The following DOCK4 variants were observed in gnomAD, a reference collection of about 807,000 sequenced individuals.
DOCK4 encodes dedicator of cytokinesis 4.
A neutral mutation model predicts 268.1 loss-of-function variants in DOCK4; 97 were observed. The ratio of observed to expected loss-of-function variants is 0.36; its 90% CI spans 0.31 to 0.43. DOCK4 has a LOEUF of 0.43. Among genes scored for constraint, DOCK4 ranks in the 20% least tolerant of loss-of-function variants. DOCK4 has a pLI of 1.00. For synonymous variants in DOCK4, 954 were observed against 887.2 expected, an observed-to-expected ratio of 1.08 and a Z score of -1.34; for missense variants, 2,145 against 2,455.7, an observed-to-expected ratio of 0.87 and a Z score of 2.67.
intron 30 of DOCK4, among the ~76,000 whole-genome samples, chr7:111,791,002 G>A (rs1034210085): frequency 2.7e-5 from 4 of 147,928 alleles, no homozygotes; most frequent in African/African-American, 1.0e-4. Context: ...AGCTTGCAGT[G>A]AGCCAAGATC....
In DOCK4 at chr7:111,728,185, A is replaced by T; in HGVS notation, c.*89T>A. ...ATTCATCGAAGGAGCTGAGTAAGTTATTAAAGTGCCTACACTAAATGTCTT... is the reference window on the plus strand; with the variant it reads ...ATTCATCGAAGGAGCTGAGTAAGTTTTTAAAGTGCCTACACTAAATGTCTT... On this transcript the variant is annotated 3_prime_UTR_variant, in exon 53 of 53. Coordinates refer to ENST00000428084, the MANE Select transcript of DOCK4 (RefSeq NM_001363540.2). 1 of 995,832 alleles carries T rather than the reference A, an allele frequency of 1.0e-6. No homozygotes were observed. Among genetic ancestry groups the T allele is most frequent in the African/African-American group, 1.7e-5 (1 of 60,230 alleles). The allele number at this position is 995,832 out of a possible 1,614,324, so 61.7% of individuals were successfully genotyped here.
intron 12 of DOCK4, among the ~76,000 whole-genome samples, chr7:111,928,592 T>C (rs575218855): frequency 3.6e-4 from 42 of 115,262 alleles, no homozygotes; most frequent in Non-Finnish European, 5.4e-4. Flanking sequence ...TTTTCTTTTT[T>C]TTTTTTTTTT....
chr7:111,907,640 A>G (rs531237431), intron 13 of DOCK4, among the ~76,000 whole-genome samples: 235 of 152,286 alleles, frequency 1.5e-3, no homozygotes, highest in African/African-American at 5.4e-3. Flanking sequence ...ATCAGGGTTC[A>G]GGTCTAAGCT....
chr7:111,872,213 A>T (rs1337758732), intron 19 of DOCK4, 56 bp downstream of exon 19: 37 of 1,406,258 alleles, frequency 2.6e-5, no homozygotes, highest in Middle Eastern at 2.5e-4. Context: ...AGCCTCATGA[A>T]AGTCAAGATT....
At chr7:111,732,795 C>G (rs1474333062) in intron 51 of DOCK4, among the ~76,000 whole-genome samples, 1 of 152,238 alleles carries the variant, frequency 6.6e-6, no homozygotes, top group African/African-American at 2.4e-5. Flanking sequence ...GTAGAAAACC[C>G]TTGGCCATGG....
intron 1 of DOCK4, among the ~76,000 whole-genome samples, chr7:112,176,548 G>A (rs12672710): frequency 5.9e-5 from 9 of 152,046 alleles, no homozygotes; most frequent in African/African-American, 1.9e-4. Flanking sequence ...AAATGTATTG[G>A]AAAAAAACTA....
At chr7:111,906,624 C>CCTAA (rs1484057447) in intron 13 of DOCK4, among the ~76,000 whole-genome samples, 5 of 152,172 alleles carry the variant, frequency 3.3e-5, no homozygotes, top group Non-Finnish European at 7.4e-5. Flanking sequence ...GAGTATGTTA[C>CCTAA]CTTGCAGATG....
chr7:112,034,183 G>A (rs951090480), intron 1 of DOCK4, among the ~76,000 whole-genome samples: 1 of 152,100 alleles, frequency 6.6e-6, no homozygotes, highest in East Asian at 1.9e-4. Flanking sequence ...CAATGAACCA[G>A]GTAACCATAG....
At chr7:111,742,847 C>G (rs1298718512) in intron 44 of DOCK4, among the ~76,000 whole-genome samples, 1 of 151,956 alleles carries the variant, frequency 6.6e-6, no homozygotes, top group East Asian at 1.9e-4. Flanking sequence ...CAAAAATTAG[C>G]CAGGTGTGGT....
chr7:112,205,648 G>C (rs1821342210), intron 1 of DOCK4, among the ~76,000 whole-genome samples: 1 of 152,152 alleles, frequency 6.6e-6, no homozygotes, highest in Non-Finnish European at 1.5e-5. Context: ...TGTTTTGGGG[G>C]TGTTCTCTCT....
intron 45 of DOCK4, 131 bp downstream of exon 45, chr7:111,741,882 G>T: frequency 7.5e-7 from 1 of 1,333,098 alleles, no homozygotes; most frequent in Non-Finnish European, 1.0e-6. Flanking sequence ...TTGTATTTGA[G>T]GGCTCCCTGG....
At chr7:112,165,560 G>GTGTGCA (rs1554467818) in intron 1 of DOCK4, among the ~76,000 whole-genome samples, 5 of 63,284 alleles carry the variant, frequency 7.9e-5, no homozygotes, top group South Asian at 1.2e-3. Flanking sequence ...GTGTGTGTGT[G>GTGTGCA]CGTGTGTGTG....
chr7:111,794,408 T>A (rs749334048), intron 30 of DOCK4, among the ~76,000 whole-genome samples: 1 of 151,996 alleles, frequency 6.6e-6, no homozygotes, highest in Non-Finnish European at 1.5e-5. Flanking sequence ...TGAAATCACA[T>A]GGGGGAAACC....
chr7:111,771,590 A>G (rs562619124), intron 36 of DOCK4, among the ~76,000 whole-genome samples: 1 of 152,246 alleles, frequency 6.6e-6, no homozygotes, highest in East Asian at 1.9e-4. Context: ...TAATAACCAG[A>G]TCCTCAGAAG....
chr7:112,189,634 G>A (rs1253789335), intron 1 of DOCK4, among the ~76,000 whole-genome samples: 1 of 152,008 alleles, frequency 6.6e-6, no homozygotes. Flanking sequence ...AAGAGCAGAG[G>A]ATACAATAAA....
intron 11 of DOCK4, among the ~76,000 whole-genome samples, chr7:111,939,480 A>T (rs1415223906): frequency 6.8e-6 from 1 of 147,350 alleles, no homozygotes; most frequent in Non-Finnish European, 1.5e-5. Context: ...ACACCACTGC[A>T]CTCCAGCCTG....
intron 12 of DOCK4, among the ~76,000 whole-genome samples, chr7:111,934,158 C>T (rs1305623528): frequency 1.3e-5 from 2 of 152,234 alleles, no homozygotes; most frequent in Admixed American, 1.3e-4. Context: ...AAGCACATGA[C>T]TGCATACTTT....
rs1222901013 is a variant in DOCK4 at position 111,808,975 on chromosome 7, A to T, written c.3108-96T>A. On this transcript the variant is annotated intron_variant, in intron 29 of 52. Coordinates refer to ENST00000428084, the MANE Select transcript of DOCK4 (RefSeq NM_001363540.2). ...ATACAATCTATCATTCTGAATTACA[A>T]GGCAAGGAGTTTTTAATTAAAGACA... is the stretch of plus-strand genomic sequence containing the variant. 2.9e-6 allele frequency: 4 copies of T among 1,384,464 alleles called. No homozygotes were observed. In the East Asian group the frequency reaches 7.3e-5, roughly 25 times the overall value. The allele number at this position is 1,384,464 out of a possible 1,614,324, so 85.8% of individuals were successfully genotyped here. A position where few individuals can be genotyped will look rare whatever the true frequency, so the allele number is the denominator to read the frequency against.
chr7:112,161,657 T>C (rs1332336013), intron 1 of DOCK4, among the ~76,000 whole-genome samples: 1 of 152,188 alleles, frequency 6.6e-6, no homozygotes, highest in Non-Finnish European at 1.5e-5. Context: ...ATTTATGTGA[T>C]GTCAGAGATG....
Sources: gnomAD v4.1 joint callset for allele counts (sites outside exome capture counted in the v4.1 genomes callset) on GRCh38, gnomAD v4.1.1 for gene constraint, MANE v1.5 for transcripts, NCBI Gene and HGNC (gene_info 2026-07-23, HGNC 2026-07-21) for gene names.